The following PPARGC1A variants were observed in gnomAD, a reference collection of about 807,000 sequenced individuals.
PPARGC1A encodes PPARG coactivator 1 alpha, also known as peroxisome proliferator-activated receptor gamma coactivator 1-alpha.
Under a neutral mutation model 88.7 loss-of-function variants are expected in PPARGC1A, and 25 were observed. The observed-to-expected ratio is 0.28, with a 90% confidence interval of 0.21 to 0.39. The LOEUF (loss-of-function observed/expected upper bound fraction) is 0.39. Among genes scored for constraint, PPARGC1A ranks in the 10% least tolerant of loss-of-function variants. The pLI is 1.00. For synonymous variants in PPARGC1A, 363 were observed against 355.6 expected (o/e 1.02, Z -0.24); for missense variants, 880 against 968.7 (o/e 0.91, Z 1.22).
chr4:23,930,596 C>T, the PPARGC1A span, among the ~76,000 whole-genome samples: 2 of 152,100 alleles, frequency 1.3e-5, no homozygotes, highest in Admixed American at 1.3e-4. Flanking sequence ...GCCAAAAGAG[C>T]ATATATCATT....
the PPARGC1A span, among the ~76,000 whole-genome samples, chr4:24,399,997 G>A: frequency 6.9e-6 from 1 of 144,236 alleles, no homozygotes; most frequent in Non-Finnish European, 1.5e-5. Flanking sequence ...TGTTGGCCAG[G>A]CTGGTCCGAA....
chr4:24,239,249 C>T, the PPARGC1A span, among the ~76,000 whole-genome samples: 3 of 152,142 alleles, frequency 2.0e-5, no homozygotes, highest in African/African-American at 7.2e-5. Flanking sequence ...TCTTGAGGAG[C>T]TGATGGTCCA....
Position 23,799,383 on chromosome 4 carries a change from C to T in PPARGC1A, c.2293+2347G>A, listed in dbSNP as rs80301887. On this transcript the variant is annotated intron_variant, in intron 12 of 12. Transcript: ENST00000264867. ...TGCCAGACACGTGCTAATAGCATCA[C>T]AAACATTTATTTAATCTTCACAATA... Among the ~76,000 whole-genome samples, 429 of 152,280 alleles carry T rather than the reference C, an allele frequency of 2.8e-3. 13 individuals carry two copies. The East Asian group carries it at 0.053, about 19-fold the overall frequency.
At chr4:24,427,020 C>A in the PPARGC1A span, among the ~76,000 whole-genome samples, 1 of 152,144 alleles carries the variant, frequency 6.6e-6, no homozygotes, top group Non-Finnish European at 1.5e-5. Flanking sequence ...TATCAATATT[C>A]CCATTCTGCA....
the PPARGC1A span, among the ~76,000 whole-genome samples, chr4:23,966,922 T>TG: frequency 6.6e-6 from 1 of 152,192 alleles, no homozygotes; most frequent in Non-Finnish European, 1.5e-5. Context: ...CCACTAGCTG[T>TG]TGGTGTGAGG....
At chr4:24,019,157 A>T in the PPARGC1A span, among the ~76,000 whole-genome samples, 1 of 152,188 alleles carries the variant, frequency 6.6e-6, no homozygotes, top group African/African-American at 2.4e-5. Flanking sequence ...TATTTAGGCA[A>T]TCCAATTTTT....
At chr4:23,947,352 G>GAGAT in the PPARGC1A span, among the ~76,000 whole-genome samples, 1 of 75,886 alleles carries the variant, frequency 1.3e-5, no homozygotes, top group Non-Finnish European at 2.3e-5. Flanking sequence ...GTTATATAGT[G>GAGAT]ATATATATAT....
At chr4:24,191,232 G>A in the PPARGC1A span, among the ~76,000 whole-genome samples, 25 of 152,322 alleles carry the variant, frequency 1.6e-4, no homozygotes, top group South Asian at 3.9e-3. Flanking sequence ...CAGCTTGGAC[G>A]TGAATGAGGA....
At chr4:24,199,702 C>G in the PPARGC1A span, among the ~76,000 whole-genome samples, 5 of 152,182 alleles carry the variant, frequency 3.3e-5, no homozygotes, top group African/African-American at 1.2e-4. Flanking sequence ...AAGTGTAAGG[C>G]TCTGATGATA....
chr4:24,371,160 T>C, the PPARGC1A span, among the ~76,000 whole-genome samples: 3 of 152,196 alleles, frequency 2.0e-5, no homozygotes, highest in African/African-American at 7.2e-5. Flanking sequence ...ATGTGCCACA[T>C]TTTCTTTATC....
the PPARGC1A span, among the ~76,000 whole-genome samples, chr4:24,221,898 C>A: frequency 6.6e-6 from 1 of 152,192 alleles, no homozygotes; most frequent in Non-Finnish European, 1.5e-5. Context: ...GTTCACCATT[C>A]CTTCTGGTAG....
chr4:24,224,277 T>A, the PPARGC1A span, among the ~76,000 whole-genome samples: 2 of 152,048 alleles, frequency 1.3e-5, no homozygotes, highest in African/African-American at 4.8e-5. Context: ...AGAGGGAGAA[T>A]GGAGATAAGA....
chr4:23,941,781 T>C, the PPARGC1A span, among the ~76,000 whole-genome samples: 1 of 152,104 alleles, frequency 6.6e-6, no homozygotes, highest in Non-Finnish European at 1.5e-5. Context: ...TGGATACATG[T>C]TGGGAATTGT....
At chr4:24,334,565 C>A in the PPARGC1A span, among the ~76,000 whole-genome samples, 1 of 152,198 alleles carries the variant, frequency 6.6e-6, no homozygotes, top group East Asian at 1.9e-4. Context: ...TTTTTAACCA[C>A]AGTCTTGGCA....
At chr4:24,105,198 T>C in the PPARGC1A span, among the ~76,000 whole-genome samples, 2 of 152,346 alleles carry the variant, frequency 1.3e-5, no homozygotes, top group South Asian at 4.1e-4. Context: ...ACTTTGCTTA[T>C]AGAATTGTGT....
chr4:24,395,179 A>T, the PPARGC1A span, among the ~76,000 whole-genome samples: 749 of 152,074 alleles, frequency 4.9e-3, 14 homozygotes, highest in African/African-American at 0.017. Context: ...ATATGTAAAA[A>T]CCCTCCCAAA....
At chr4:24,432,538 G>A in the PPARGC1A span, among the ~76,000 whole-genome samples, 3 of 152,156 alleles carry the variant, frequency 2.0e-5, no homozygotes, top group African/African-American at 7.2e-5. Context: ...TGCATAGAGC[G>A]CCAGAGCAGA....
intron 3 of PPARGC1A, among the ~76,000 whole-genome samples, chr4:23,830,205 T>C (rs1451627702): frequency 3.3e-5 from 5 of 152,152 alleles, no homozygotes; most frequent in African/African-American, 7.2e-5. Context: ...ATTCAAAGAA[T>C]GTTTGGATAA....
intron 12 of PPARGC1A, among the ~76,000 whole-genome samples, chr4:23,796,210 C>G (rs1717572579): frequency 6.6e-6 from 1 of 152,080 alleles, no homozygotes; most frequent in Non-Finnish European, 1.5e-5. Flanking sequence ...TCCCCTTCCC[C>G]CGACACGTCA....
Sources: allele counts gnomAD v4.1 joint callset (sites outside exome capture counted in the v4.1 genomes callset), GRCh38; gene constraint gnomAD v4.1.1; transcripts MANE v1.5; gene names NCBI Gene and HGNC (gene_info 2026-07-23, HGNC 2026-07-21).